The following LRRC4C variants were observed in gnomAD, a reference collection of about 807,000 sequenced individuals.
LRRC4C encodes leucine rich repeat containing 4C, also known as leucine-rich repeat-containing protein 4C.
A neutral mutation model predicts 33.6 loss-of-function variants in LRRC4C; 5 were observed. That is an observed-to-expected ratio of 0.15 (90% CI 0.08 to 0.31). The LOEUF (loss-of-function observed/expected upper bound fraction) is 0.31, where lower values mean the gene tolerates loss of function less well. LRRC4C is among the 10% of genes least tolerant of loss of function. The probability of loss-of-function intolerance (pLI) is 1.00; values close to 1 mark genes in which losing one functional copy is unlikely to be tolerated. For synonymous variants in LRRC4C, 329 were observed against 302.0 expected (o/e 1.09, Z -0.93); for missense variants, 560 against 796.7 (o/e 0.70, Z 3.58).
At chr11:41,448,122 G>GTTTTTTTTTTGTTTTTTTTTTTTTTTT (rs1955888158) in intron 1 of LRRC4C, among the ~76,000 whole-genome samples, 1 of 46,948 alleles carries the variant, frequency 2.1e-5, no homozygotes, top group Non-Finnish European at 4.4e-5. Flanking sequence ...GCACACGTCT[G>GTTTTTTTTTTGTTTTTTTTTTTTTTTT]TTTTTTTTTT....
intron 2 of LRRC4C, among the ~76,000 whole-genome samples, chr11:40,882,501 G>A (rs1315064203): frequency 6.6e-6 from 1 of 151,906 alleles, no homozygotes; most frequent in Non-Finnish European, 1.5e-5. Flanking sequence ...CCAGCCTTAT[G>A]TCCCAATATA....
intron 5 of LRRC4C, among the ~76,000 whole-genome samples, chr11:40,151,849 T>C (rs1858240104): frequency 6.6e-6 from 1 of 152,206 alleles, no homozygotes; most frequent in Non-Finnish European, 1.5e-5. Context: ...TCTACAACTA[T>C]TTAATTCTGG....
intron 1 of LRRC4C, among the ~76,000 whole-genome samples, chr11:41,102,099 T>C (rs1941225026): frequency 1.3e-5 from 2 of 152,002 alleles, no homozygotes; most frequent in African/African-American, 4.8e-5. Flanking sequence ...AGTTTTCCTA[T>C]ATAACAAACC....
At chr11:40,899,622 A>G (rs186561855) in intron 2 of LRRC4C, among the ~76,000 whole-genome samples, 15 of 152,296 alleles carry the variant, frequency 9.8e-5, no homozygotes, top group African/African-American at 3.6e-4. Flanking sequence ...AATGAAGAGT[A>G]TTTCTGTGTA....
chr11:40,441,359 C>T (rs1401802705), intron 3 of LRRC4C, among the ~76,000 whole-genome samples: 1 of 152,110 alleles, frequency 6.6e-6, no homozygotes, highest in Non-Finnish European at 1.5e-5. Flanking sequence ...AAAATCAACC[C>T]AGAGAAGAGT....
intron 1 of LRRC4C, among the ~76,000 whole-genome samples, chr11:41,309,198 C>G (rs1950582957): frequency 6.6e-6 from 1 of 152,152 alleles, no homozygotes; most frequent in Non-Finnish European, 1.5e-5. Context: ...GGAAGATAAA[C>G]GCAGCCCGCA....
chr11:40,512,599 T>C (rs973302755), intron 3 of LRRC4C, among the ~76,000 whole-genome samples: 3 of 152,122 alleles, frequency 2.0e-5, no homozygotes, highest in Non-Finnish European at 4.4e-5. Flanking sequence ...GAGCTGGGCC[T>C]CATTCCTTAC....
chr11:40,345,206 T>C (rs1947068691), intron 3 of LRRC4C, among the ~76,000 whole-genome samples: 1 of 152,110 alleles, frequency 6.6e-6, no homozygotes, highest in South Asian at 2.1e-4. Flanking sequence ...TATTCTAAAA[T>C]TCATATGGAA....
intron 1 of LRRC4C, among the ~76,000 whole-genome samples, chr11:41,382,897 C>T (rs1305035434): frequency 1.3e-5 from 2 of 152,038 alleles, no homozygotes; most frequent in Non-Finnish European, 2.9e-5. Flanking sequence ...ATCTGCATTA[C>T]ACAATAGAGT....
At chr11:40,285,980 T>C (rs1398721632) in intron 4 of LRRC4C, among the ~76,000 whole-genome samples, 1 of 152,060 alleles carries the variant, frequency 6.6e-6, no homozygotes, top group Non-Finnish European at 1.5e-5. Flanking sequence ...GAAAAAAAAA[T>C]ACTTGTTATA....
At chr11:41,309,137 G>A (rs1380443719) in intron 1 of LRRC4C, among the ~76,000 whole-genome samples, 2 of 152,192 alleles carry the variant, frequency 1.3e-5, no homozygotes, top group Non-Finnish European at 2.9e-5. Flanking sequence ...TGGGCTGATG[G>A]TAACAGCATT....
intron 1 of LRRC4C, among the ~76,000 whole-genome samples, chr11:41,338,065 G>A (rs1371311459): frequency 6.6e-6 from 1 of 152,176 alleles, no homozygotes; most frequent in African/African-American, 2.4e-5. Flanking sequence ...GGAGAAATGG[G>A]AAAGCTTTTA....
intron 2 of LRRC4C, among the ~76,000 whole-genome samples, chr11:40,669,539 C>T (rs961134091): frequency 6.6e-6 from 1 of 152,210 alleles, no homozygotes; most frequent in African/African-American, 2.4e-5. Flanking sequence ...GCACTGCTAT[C>T]AAGTCCTATT....
intron 2 of LRRC4C, among the ~76,000 whole-genome samples, chr11:40,814,271 G>A (rs1379530207): frequency 6.6e-6 from 1 of 152,156 alleles, no homozygotes; most frequent in Non-Finnish European, 1.5e-5. Context: ...CTGTGTAGCA[G>A]CAATATGGTC....
intron 1 of LRRC4C, among the ~76,000 whole-genome samples, chr11:41,264,371 T>C (rs916602624): frequency 1.3e-5 from 2 of 152,154 alleles, no homozygotes; most frequent in East Asian, 3.9e-4. Flanking sequence ...ATTACAGTCG[T>C]AAGCCACCAT....
chr11:40,554,957 G>A (rs1957277401), intron 3 of LRRC4C, among the ~76,000 whole-genome samples: 1 of 143,090 alleles, frequency 7.0e-6, no homozygotes, highest in African/African-American at 2.9e-5. Context: ...TCCTGACCTC[G>A]TGATCCGCCC....
Position 41,262,407 on chromosome 11 carries a change from TA to T in LRRC4C, c.-496+197023del, listed in dbSNP as rs71063907. Among the ~76,000 whole-genome samples, 98 of 144,132 alleles carry T rather than the reference TA, an allele frequency of 6.8e-4. 1 individual carries two copies. Among genetic ancestry groups the T allele is most frequent in the Middle Eastern group, 3.6e-3 (1 of 280 alleles). 94.6% of individuals were successfully genotyped at this position (144,132 alleles called of 152,430 possible). A position where few individuals can be genotyped will look rare whatever the true frequency, so the allele number is the denominator to read the frequency against. ...ACTACTACGGACATGAACAGTTGAT[TA>T]AAAAAAAAAAAAATAGAAAAATAGT... On this transcript the variant is annotated intron_variant, in intron 1 of 6. Coordinates refer to ENST00000528697, the MANE Select transcript of LRRC4C (RefSeq NM_001258419.2).
At chr11:41,140,711 C>T (rs1285952134) in intron 1 of LRRC4C, among the ~76,000 whole-genome samples, 1 of 152,222 alleles carries the variant, frequency 6.6e-6, no homozygotes, top group Non-Finnish European at 1.5e-5. Flanking sequence ...CTCCTTTCTG[C>T]ATAACAGATA....
chr11:40,182,065 CCAAATGTT>C (rs1175422505), intron 5 of LRRC4C, among the ~76,000 whole-genome samples: 20 of 152,154 alleles, frequency 1.3e-4, no homozygotes, highest in African/African-American at 4.8e-4. Context: ...TGAGGTAAAC[CCAAATGTT>C]CAAATGTATT....
Sources: allele counts gnomAD v4.1 joint callset (sites outside exome capture counted in the v4.1 genomes callset), GRCh38; gene constraint gnomAD v4.1.1; transcripts MANE v1.5; gene names NCBI Gene and HGNC (gene_info 2026-07-23, HGNC 2026-07-21).